Variants in ARHGEF12 observed in about 807,000 individuals in gnomAD.
The protein encoded by ARHGEF12 is KMT2A/ARHGEF12 fusion protein.
Under a neutral mutation model 211.2 loss-of-function variants are expected in ARHGEF12, and 66 were observed. That is an observed-to-expected ratio of 0.31 (90% CI 0.26 to 0.38). ARHGEF12 has a LOEUF of 0.38. Ranked by LOEUF, ARHGEF12 falls within the 10% of genes least tolerant of loss-of-function variation. ARHGEF12 has a pLI of 1.00. For synonymous variants in ARHGEF12, 592 were observed against 638.4 expected (o/e 0.93, Z 1.09); for missense variants, 1,429 against 1,869.5 (o/e 0.76, Z 4.34).
rs1945552555 is a variant in ARHGEF12 at position 120,431,907 on chromosome 11, C to T, written c.920C>T (p.Ala307Val). 2.5e-6 allele frequency: 4 copies of T among 1,580,952 alleles called. No homozygotes were observed. The highest frequency in any genetic ancestry group is 1.2e-5 in the South Asian group (1 of 85,466). ...GCTTCTCGGCCCAGTAGTGACAATG[C>T]AGATGTAAGCTTTCAGTTTTCTAAA... The part of the protein sequence containing the change: ...GDASRPSSDN[A>V]DSPKSGPKER... The change falls in exon 11 of 41, where the codon GCA (alanine) becomes GTA (valine). Residue 307 changes from alanine to valine, a missense_variant. Coordinates refer to ENST00000397843, the MANE Select transcript of ARHGEF12 (RefSeq NM_015313.3).
chr11:120,482,415 T>A (rs1032520983), intron 39 of ARHGEF12, among the ~76,000 whole-genome samples: 2 of 152,122 alleles, frequency 1.3e-5, no homozygotes, highest in African/African-American at 4.8e-5. Flanking sequence ...CAAAACTGAC[T>A]TGTGTGGCAA....
chr11:120,408,601 A>G (rs1372552544), intron 3 of ARHGEF12: 1 of 152,138 alleles, frequency 6.6e-6, no homozygotes, highest in East Asian at 1.9e-4. Flanking sequence ...TCAGATACAT[A>G]AAAATAATGT....
chr11:120,388,320 C>A (rs2135484372), intron 1 of ARHGEF12, among the ~76,000 whole-genome samples: 1 of 152,194 alleles, frequency 6.6e-6, no homozygotes, highest in African/African-American at 2.4e-5. Flanking sequence ...CTTTTTATTG[C>A]TGAATGATAT....
chr11:120,481,070 C>A (rs1947220074), intron 38 of ARHGEF12, among the ~76,000 whole-genome samples, 190 bp from the exon 39 acceptor site: 1 of 152,080 alleles, frequency 6.6e-6, no homozygotes, highest in Non-Finnish European at 1.5e-5. Flanking sequence ...TGGAAATTAC[C>A]ATGAAAGTTT....
intron 13 of ARHGEF12, among the ~76,000 whole-genome samples, 194 bp downstream of exon 13, chr11:120,440,415 G>T (rs1945835258): frequency 6.6e-6 from 1 of 152,130 alleles, no homozygotes; most frequent in South Asian, 2.1e-4. Flanking sequence ...TTTAAAGCCA[G>T]TGAGAGATCA....
At chr11:120,455,450 A>G (rs545862818) in intron 22 of ARHGEF12, among the ~76,000 whole-genome samples, 1 of 152,364 alleles carries the variant, frequency 6.6e-6, no homozygotes, top group South Asian at 2.1e-4. Context: ...CTGAAGGAAA[A>G]TGGTTTTGAA....
intron 1 of ARHGEF12, among the ~76,000 whole-genome samples, chr11:120,401,655 A>G (rs1309403443): frequency 6.6e-6 from 1 of 152,172 alleles, no homozygotes; most frequent in East Asian, 1.9e-4. Context: ...TGGTCAACAC[A>G]ATTTCACTAC....
chr11:120,429,092 A>C (rs1945446583), intron 8 of ARHGEF12, among the ~76,000 whole-genome samples: 1 of 152,128 alleles, frequency 6.6e-6, no homozygotes, highest in African/African-American at 2.4e-5. Context: ...TTCAGGTAAG[A>C]GGTACTGGGA....
chr11:120,423,463 G>T lies in ARHGEF12; in HGVS notation c.349-895G>T, dbSNP rs1051295562. 3.9e-5 allele frequency among the ~76,000 whole-genome samples: 6 copies of T among 152,068 alleles called. No individual in the cohort carries two copies. The East Asian group carries it at 9.6e-4, about 24-fold the overall frequency. ...CGTGTGTACAGGGAAATTTGTACTG[G>T]CTTTATTACATAACTGTGCATAAAC... On this transcript the variant is annotated intron_variant, in intron 6 of 40. Transcript: ENST00000397843.
chr11:120,385,486 G>C, intron 1 of ARHGEF12: 1 of 985,316 alleles, frequency 1.0e-6, no homozygotes, highest in South Asian at 4.7e-5. Context: ...CGGTGATCCA[G>C]GTAATCTACT....
At chr11:120,414,867 CA>C (rs1456852002) in intron 4 of ARHGEF12, among the ~76,000 whole-genome samples, 2 of 152,168 alleles carry the variant, frequency 1.3e-5, no homozygotes, top group Non-Finnish European at 2.9e-5. Flanking sequence ...GTTGGGATTA[CA>C]GGTGTGATCC....
chr11:120,417,498 T>C (rs1253389868), intron 4 of ARHGEF12, among the ~76,000 whole-genome samples: 1 of 150,586 alleles, frequency 6.6e-6, no homozygotes, highest in Non-Finnish European at 1.5e-5. Context: ...TGCTGCTTAG[T>C]CTAATAATTT....
intron 28 of ARHGEF12, among the ~76,000 whole-genome samples, chr11:120,465,817 A>G (rs772229532): frequency 3.7e-4 from 57 of 152,230 alleles, no homozygotes; most frequent in Non-Finnish European, 6.0e-4. Context: ...GGAAGGTACA[A>G]AAATGACTTT....
chr11:120,439,989 A>C, intron 12 of ARHGEF12, 140 bp from the exon 13 acceptor site: 2 of 650,272 alleles, frequency 3.1e-6, no homozygotes, highest in Non-Finnish European at 5.3e-6. Flanking sequence ...TACTTTGAAA[A>C]TAAAGTACTT....
At chr11:120,421,397 C>T (rs1945180286) in intron 5 of ARHGEF12, among the ~76,000 whole-genome samples, 1 of 147,766 alleles carries the variant, frequency 6.8e-6, no homozygotes, top group Non-Finnish European at 1.5e-5. Context: ...GCAGAAGCAG[C>T]ATTTGAATGT....
intron 3 of ARHGEF12, chr11:120,408,112 A>G (rs1372786099): frequency 2.0e-5 from 5 of 255,736 alleles, no homozygotes; most frequent in Non-Finnish European, 3.7e-5. Flanking sequence ...GGTCAGATCA[A>G]GAACTCAGTG....
At chr11:120,448,032 G>GTTATTT in intron 19 of ARHGEF12, 126 bp downstream of exon 19, 11 of 841,660 alleles carry the variant, frequency 1.3e-5, no homozygotes, top group Non-Finnish European at 2.0e-5. Context: ...TCTCTCTGGT[G>GTTATTT]GCTTGTATGT....
rs376921206 is a variant in ARHGEF12, at chr11:120,448,329, G to C, written c.1718G>C (p.Gly573Ala). ...RNLEHKRGRI[G>A]FLPKIKQSMK... is the part of the protein sequence containing the mutation. ...TTGGAGCACAAACGGGGTCGGATTG[G>C]ATTTCTTCCCAAAATCAAGGTAAGA... The change falls in exon 20 of 41, where the codon GGA becomes GCA. Residue 573 changes from glycine (G) to alanine (A), a missense_variant. Gly to Ala is a moderately conservative substitution (Grantham distance 60). Coordinates refer to ENST00000397843, the MANE Select transcript of ARHGEF12 (RefSeq NM_015313.3). 1.9e-6 allele frequency: 3 copies of C among 1,613,864 alleles called. No individual in the cohort carries two copies. In the African/African-American group the frequency reaches 4.0e-5, roughly 22 times the overall value.
At chr11:120,458,600 G>A (rs2135890481) in intron 25 of ARHGEF12, 1 of 226,590 alleles carries the variant, frequency 4.4e-6, no homozygotes, top group Non-Finnish European at 8.6e-6. Flanking sequence ...AACGTGTAAG[G>A]AAAAAAATTC....
Sources: allele counts gnomAD v4.1 joint callset (sites outside exome capture counted in the v4.1 genomes callset), GRCh38; gene constraint gnomAD v4.1.1; transcripts MANE v1.5; gene names NCBI Gene and HGNC (gene_info 2026-07-23, HGNC 2026-07-21).